The following NOL4 variants were observed in gnomAD, a reference collection of about 807,000 sequenced individuals.
NOL4 encodes cancer/testis antigen 125.
In NOL4, 17 loss-of-function variants were observed where a neutral mutation model predicts 75.9. That is an observed-to-expected ratio of 0.22 (90% CI 0.15 to 0.34). The LOEUF is 0.34. Ranked by LOEUF, NOL4 falls within the 10% of genes least tolerant of loss-of-function variation. NOL4 has a pLI of 1.00. For missense variants in NOL4, 614 were observed against 793.5 expected (o/e 0.77, Z 2.72); for synonymous variants, 292 against 289.9 (o/e 1.01, Z -0.07).
intron 9 of NOL4, among the ~76,000 whole-genome samples, chr18:33,921,199 T>C (rs542752531): frequency 9.2e-5 from 14 of 152,326 alleles, no homozygotes; most frequent in African/African-American, 3.1e-4. Context: ...GGATGGACCA[T>C]ATCCAGAGTC....
chr18:34,179,757 A>G (rs2033874573), intron 1 of NOL4, among the ~76,000 whole-genome samples: 1 of 151,656 alleles, frequency 6.6e-6, no homozygotes, highest in Non-Finnish European at 1.5e-5. Flanking sequence ...CCATGTGAGC[A>G]CACAGCAAGA....
At chr18:33,860,768 G>A (rs2063080871) in intron 10 of NOL4, among the ~76,000 whole-genome samples, 1 of 151,868 alleles carries the variant, frequency 6.6e-6, no homozygotes, top group Non-Finnish European at 1.5e-5. Context: ...TTGGCTGTGG[G>A]TTTGTCACAG....
At chr18:34,046,635 T>G (rs1163503463) in intron 5 of NOL4, among the ~76,000 whole-genome samples, 2 of 140,832 alleles carry the variant, frequency 1.4e-5, no homozygotes, top group Non-Finnish European at 3.1e-5. Context: ...TATATATATA[T>G]ATGTATATGT....
Position 34,045,859 on chromosome 18 carries a change from A to ATGT in NOL4, c.773-26259_773-26258insACA, listed in dbSNP as rs2076339335. 8.5e-5 allele frequency among the ~76,000 whole-genome samples: 13 copies of ATGT among 152,300 alleles called. No individual in the cohort carries two copies. In the South Asian group the frequency reaches 2.3e-3, roughly 27 times the overall value. On this transcript the variant is annotated intron_variant, in intron 5 of 10. Coordinates refer to ENST00000261592, the MANE Select transcript of NOL4 (RefSeq NM_003787.5). The stretch of plus-strand genomic sequence containing the variant: ...TTAAAAGCAAATACAAAACGTGTTC[A>ATGT]TATTATAGTATTATCTCTTGTGCTG...
At chr18:33,928,451 A>G (rs1421048345) in intron 9 of NOL4, among the ~76,000 whole-genome samples, 1 of 152,156 alleles carries the variant, frequency 6.6e-6, no homozygotes, top group Non-Finnish European at 1.5e-5. Context: ...GAAAAACATC[A>G]GAAATTGTGG....
In NOL4 at chr18:33,917,015, C is replaced by T. The variant is rs374038392; in HGVS notation, c.1542+26050G>A. Among the ~76,000 whole-genome samples, 4 of 152,100 alleles carry T rather than the reference C, an allele frequency of 2.6e-5. No individual in the cohort carries two copies. The East Asian group carries it at 5.8e-4, about 22-fold the overall frequency. ...AAACCTCTCTTTGATGGGATTTGTTCTGTTTGTTTCAACCCAGGCACTATG... is the reference window on the plus strand; with the variant it reads ...AAACCTCTCTTTGATGGGATTTGTTTTGTTTGTTTCAACCCAGGCACTATG... On this transcript the variant is annotated intron_variant, in intron 9 of 10. Coordinates refer to ENST00000261592, the MANE Select transcript of NOL4 (RefSeq NM_003787.5).
At chr18:34,127,024 A>G (rs1466737079) in intron 2 of NOL4, among the ~76,000 whole-genome samples, 6 of 151,904 alleles carry the variant, frequency 3.9e-5, no homozygotes, top group Admixed American at 3.9e-4. Context: ...CTATAATTCA[A>G]TAATGATTGA....
chr18:34,116,221 T>C (rs955046229), intron 2 of NOL4, among the ~76,000 whole-genome samples: 4 of 152,048 alleles, frequency 2.6e-5, no homozygotes, highest in African/African-American at 9.7e-5. Flanking sequence ...GTGACAAACT[T>C]ATCCACCTGC....
At chr18:34,086,135 T>C (rs565821647) in intron 5 of NOL4, among the ~76,000 whole-genome samples, 1 of 152,258 alleles carries the variant, frequency 6.6e-6, no homozygotes, top group African/African-American at 2.4e-5. Flanking sequence ...GGTTTAATAA[T>C]GCATTAAAAC....
At chr18:34,006,648 G>A (rs2074043874) in intron 6 of NOL4, among the ~76,000 whole-genome samples, 1 of 151,962 alleles carries the variant, frequency 6.6e-6, no homozygotes, top group Admixed American at 6.6e-5. Flanking sequence ...TTATCTACCT[G>A]GGATTTCATA....
chr18:34,053,586 C>T (rs2076713852), intron 5 of NOL4, among the ~76,000 whole-genome samples: 1 of 151,916 alleles, frequency 6.6e-6, no homozygotes. Flanking sequence ...GATAACATTC[C>T]TAAGACCCTC....
chr18:34,039,551 A>G (rs935035250), intron 5 of NOL4, among the ~76,000 whole-genome samples: 2 of 152,014 alleles, frequency 1.3e-5, no homozygotes, highest in African/African-American at 4.8e-5. Flanking sequence ...TTTACTTGTC[A>G]TTTCAGCAAA....
In NOL4 at chr18:33,852,634, A is replaced by G; in HGVS notation, c.*208T>C. On this transcript the variant is annotated 3_prime_UTR_variant, in exon 11 of 11. Transcript: ENST00000261592. ...TAAAACAAAAAGCAATAGGCTGGAC[A>G]TACTAAAGTAGCTCAAGTACTTCAG... The G allele has an allele frequency of 2.1e-6, 1 of 485,090 alleles. No homozygotes were observed. Among genetic ancestry groups the G allele is most frequent in the South Asian group, 3.4e-5 (1 of 29,034 alleles). The allele number at this position is 485,090 out of a possible 1,614,324, so 30.0% of individuals were successfully genotyped here.
chr18:34,119,871 C>T (rs915313304), intron 2 of NOL4, among the ~76,000 whole-genome samples: 1 of 152,152 alleles, frequency 6.6e-6, no homozygotes, highest in Non-Finnish European at 1.5e-5. Flanking sequence ...ATCCACCCGC[C>T]TCGGCCTCCC....
At chr18:34,111,684 T>A (rs765598013) in intron 2 of NOL4, among the ~76,000 whole-genome samples, 6 of 152,126 alleles carry the variant, frequency 3.9e-5, no homozygotes, top group Admixed American at 3.9e-4. Flanking sequence ...AAGACATGAA[T>A]CGGCATTTCC....
At chr18:34,131,724 A>G (rs767954208) in intron 1 of NOL4, among the ~76,000 whole-genome samples, 2 of 152,148 alleles carry the variant, frequency 1.3e-5, no homozygotes, top group Non-Finnish European at 2.9e-5. Context: ...CTAAATACTC[A>G]ACTGTGAGTG....
chr18:34,170,381 T>C (rs767539965), intron 1 of NOL4, among the ~76,000 whole-genome samples: 5 of 151,800 alleles, frequency 3.3e-5, no homozygotes, highest in Non-Finnish European at 7.4e-5. Context: ...AGTAGAGAGA[T>C]GGGTTTCACC....
intron 6 of NOL4, among the ~76,000 whole-genome samples, chr18:33,970,810 C>A (rs2070996005): frequency 6.6e-6 from 1 of 151,674 alleles, no homozygotes; most frequent in Non-Finnish European, 1.5e-5. Context: ...AGTTTCCAGG[C>A]CTCATCTGGA....
chr18:33,908,314 T>C (rs1001299601), intron 9 of NOL4, among the ~76,000 whole-genome samples: 5 of 152,294 alleles, frequency 3.3e-5, no homozygotes, highest in Non-Finnish European at 7.4e-5. Flanking sequence ...GTAGAAAAAC[T>C]TGGACTGATG....
Sources: allele counts gnomAD v4.1 joint callset (sites outside exome capture counted in the v4.1 genomes callset), GRCh38; gene constraint gnomAD v4.1.1; transcripts MANE v1.5; gene names NCBI Gene and HGNC (gene_info 2026-07-23, HGNC 2026-07-21).